The following MYH9 variants were observed in gnomAD, a reference collection of about 807,000 sequenced individuals.
MYH9 encodes myosin heavy chain 9, also known as myosin-9.
In MYH9, 29 loss-of-function variants were observed where a neutral mutation model predicts 241.9. The observed-to-expected ratio is 0.12, with a 90% CI of 0.09 to 0.16. The LOEUF is 0.16. Ranked by LOEUF, MYH9 falls within the 10% of genes least tolerant of loss-of-function variation. The pLI is 1.00. For missense variants in MYH9, 1,803 were observed against 2,595.5 expected (o/e 0.69, Z 6.63); for synonymous variants, 1,047 against 1,062.6 (o/e 0.99, Z 0.29).
In MYH9 at chr22:36,292,112, G is replaced by A. The variant is rs142957635; in HGVS notation, c.4218C>T (p.Ala1406=). The change falls in exon 31 of 41, where the codon GCC becomes GCT. Residue 1406 remains alanine, a synonymous_variant. Coordinates refer to ENST00000216181, the MANE Select transcript of MYH9 (RefSeq NM_002473.6). The stretch of plus-strand genomic sequence containing the variant: ...TGGTCTTCTCCAGCTTGTCGTAGGC[G>A]GCCACCTTCTCCTCGTGCCGCTGGC... ...GLSQRHEEKV[A]AYDKLEKTKT... The A allele has an allele frequency of 1.4e-5, 23 of 1,614,006 alleles. No homozygotes were observed. Among genetic ancestry groups the A allele is most frequent in the African/African-American group, 5.3e-5 (4 of 74,926 alleles).
intron 1 of MYH9, among the ~76,000 whole-genome samples, chr22:36,383,734 G>T (rs2018294697): frequency 6.6e-6 from 1 of 151,812 alleles, no homozygotes; most frequent in Non-Finnish European, 1.5e-5. Flanking sequence ...GAGGCGGGTA[G>T]ATCACCTGAG....
rs139047041 is a variant in MYH9 at position 36,376,742 on chromosome 22, A to C, written c.-20+11065T>G. On this transcript the variant is annotated intron_variant, in intron 1 of 40. Transcript: ENST00000216181. ...AACCGGCATTCAAAAGCTTTTGGCTATCTAGGCCTCCCTGTCGCAGGCTTA... is the reference window on the plus strand; with the variant it reads ...AACCGGCATTCAAAAGCTTTTGGCTCTCTAGGCCTCCCTGTCGCAGGCTTA... Among the ~76,000 whole-genome samples the C allele has an allele frequency of 3.3e-5, 5 of 152,336 alleles. No homozygotes were observed. The South Asian group carries it at 1.0e-3, about 32-fold the overall frequency.
chr22:36,285,344 C>T lies in MYH9; in HGVS notation c.5275-15G>A. Reference sequence around the variant, plus strand: ...ATCTGGTCGATCTGCAGAAGAAGGGCCAGTGACCTTGGGGAGGGCTGGGGC... The same window carrying T: ...ATCTGGTCGATCTGCAGAAGAAGGGTCAGTGACCTTGGGGAGGGCTGGGGC... On this transcript the variant is annotated splice_polypyrimidine_tract_variant and intron_variant, in intron 37 of 40. Coordinates refer to ENST00000216181, the MANE Select transcript of MYH9 (RefSeq NM_002473.6). The surrounding 1 kb of genome is among the most constrained non-coding windows in gnomAD (Gnocchi z 7.0). 1.2e-6 allele frequency: 2 copies of T among 1,605,254 alleles called. No individual in the cohort carries two copies. Among genetic ancestry groups the T allele is most frequent in the Non-Finnish European group, 1.7e-6 (2 of 1,179,806 alleles).
rs910249305 is a variant in MYH9 at position 36,348,079 on chromosome 22, ATATTT to A, written c.333+820_333+824del. Among the ~76,000 whole-genome samples the A allele has an allele frequency of 2.8e-3, 285 of 100,614 alleles. 1 individual carries two copies. The highest frequency in any genetic ancestry group is 0.011 in the African/African-American group (268 of 24,490). The allele number at this position is 100,614 out of a possible 152,430, so 66.0% of individuals were successfully genotyped here. On this transcript the variant is annotated intron_variant, in intron 2 of 40. Coordinates refer to ENST00000216181, the MANE Select transcript of MYH9 (RefSeq NM_002473.6). The stretch of plus-strand genomic sequence containing the variant: ...ATAATAAATAAATAAAATATTTAAA[ATATTT>A]TATTTTAAGATATTTTTTAAAATAT...
intron 1 of MYH9, among the ~76,000 whole-genome samples, chr22:36,352,408 C>G (rs1011642604): frequency 6.6e-6 from 1 of 152,182 alleles, no homozygotes; most frequent in Admixed American, 6.5e-5. Context: ...GAGCTCTGAC[C>G]GTCCTCAAAC....
intron 1 of MYH9, among the ~76,000 whole-genome samples, chr22:36,374,984 C>A (rs1311814576): frequency 6.6e-6 from 1 of 152,174 alleles, no homozygotes; most frequent in Admixed American, 6.5e-5. Context: ...CAGACTCCCC[C>A]CTGCCTTCTC....
In MYH9 at chr22:36,286,820, C is replaced by G. The variant is rs1035118799; in HGVS notation, c.4959G>C (p.Glu1653Asp). The G allele has an allele frequency of 1.9e-5, 30 of 1,610,354 alleles. No homozygotes were observed. The East Asian group carries it at 6.5e-4, about 35-fold the overall frequency. The change falls in exon 35 of 41, where the codon GAG becomes GAC. Residue 1653 changes from glutamate (E) to aspartate (D), a missense_variant. Glu to Asp is a conservative substitution (Grantham distance 45). Transcript: ENST00000216181. ...CACGAGAGGCGCGGGTGTCATCCAGCTCGCGCATGCAGTCCTTCATCTGGG... is the reference window on the plus strand; with the variant it reads ...CACGAGAGGCGCGGGTGTCATCCAGGTCGCGCATGCAGTCCTTCATCTGGG... ...LQAQMKDCMR[E>D]LDDTRASREE...
At chr22:36,292,543 G>A (rs980243428) in intron 30 of MYH9, among the ~76,000 whole-genome samples, 2 of 152,176 alleles carry the variant, frequency 1.3e-5, no homozygotes, top group Non-Finnish European at 2.9e-5. Context: ...CAGAGAGCAG[G>A]GCCAGTGCCC....
chr22:36,333,220 C>A (rs556125715), intron 3 of MYH9, among the ~76,000 whole-genome samples: 1 of 152,364 alleles, frequency 6.6e-6, no homozygotes, highest in South Asian at 2.1e-4. Flanking sequence ...TTTGATGAGT[C>A]AAACGTGCTT....
intron 40 of MYH9, among the ~76,000 whole-genome samples, chr22:36,283,190 T>G (rs1603482663): frequency 6.6e-6 from 1 of 152,130 alleles, no homozygotes; most frequent in African/African-American, 2.4e-5. Context: ...ACCCTCTTTC[T>G]ACCACATGGC....
intron 21 of MYH9, 35 bp from the exon 22 acceptor site, chr22:36,301,092 C>T (rs1429295412): frequency 8.8e-6 from 14 of 1,585,122 alleles, no homozygotes; most frequent in Non-Finnish European, 1.0e-5. Context: ...AAGCTCCTCG[C>T]AACACCCTCA....
At position 36,301,639 on chromosome 22, in the gene MYH9, C is replaced by A; in HGVS notation, c.2526G>T (p.Arg842=). 1 of 1,613,874 alleles carries A rather than the reference C, an allele frequency of 6.2e-7. No individual in the cohort carries two copies. The highest frequency in any genetic ancestry group is 8.5e-7 in the Non-Finnish European group (1 of 1,180,036). The change falls in exon 21 of 41, where the codon CGG becomes CGT. Residue 842 remains arginine, a synonymous_variant. Transcript: ENST00000216181. ...CCTTGGCCATCATCTCCTCCTCCTG[C>A]CGGCTCACCTGCAGCAGCGGCTTGA... The part of the protein sequence containing the change: ...TKVKPLLQVS[R]QEEEMMAKEE...
intron 19 of MYH9, among the ~76,000 whole-genome samples, chr22:36,303,146 G>A (rs2016910107): frequency 6.6e-6 from 1 of 152,002 alleles, no homozygotes; most frequent in African/African-American, 2.4e-5. Flanking sequence ...GAGGGCTTTT[G>A]GATAAACAAG....
At position 36,288,679 on chromosome 22, in the gene MYH9, G is replaced by C; in HGVS notation, c.4770+48C>G. The C allele has an allele frequency of 6.3e-7, 1 of 1,592,414 alleles. No homozygotes were observed. On this transcript the variant is annotated intron_variant, in intron 33 of 40. Coordinates refer to ENST00000216181, the MANE Select transcript of MYH9 (RefSeq NM_002473.6). This position sits in a 1 kb window ranked among gnomAD's most constrained non-coding sequence, Gnocchi z 4.8. ...AGGAGAGAACAGAAGCCTGCGTGAA[G>C]CCAAGGCAGCCTTGGGCACCCATGG...
chr22:36,313,573 G>T (rs1474912366), intron 13 of MYH9, among the ~76,000 whole-genome samples: 1 of 151,802 alleles, frequency 6.6e-6, no homozygotes, highest in Non-Finnish European at 1.5e-5. Flanking sequence ...TACCTGGCAA[G>T]AGGTTTAAGT....
chr22:36,378,626 G>A (rs746073279), intron 1 of MYH9, among the ~76,000 whole-genome samples: 1 of 152,136 alleles, frequency 6.6e-6, no homozygotes, highest in Non-Finnish European at 1.5e-5. Flanking sequence ...TTTTCGAGCT[G>A]TGGGAACTTT....
In MYH9 at chr22:36,320,046, C is replaced by T. The variant is rs1468778667; in HGVS notation, c.1012+174G>A. ...TGAATGCCTGTGGTACCACCAGGAA[C>T]AAATAACCTTGAACCTCAAATCTGA... is the stretch of plus-strand genomic sequence containing the variant. On this transcript the variant is annotated intron_variant, in intron 9 of 40. Coordinates refer to ENST00000216181, the MANE Select transcript of MYH9 (RefSeq NM_002473.6). This position sits in a 1 kb window ranked among gnomAD's most constrained non-coding sequence, Gnocchi z 4.8. Among the ~76,000 whole-genome samples the T allele has an allele frequency of 6.6e-6, 1 of 152,214 alleles. No homozygotes were observed. Among genetic ancestry groups the T allele is most frequent in the Non-Finnish European group, 1.5e-5 (1 of 68,042 alleles).
intron 23 of MYH9, 91 bp from the exon 24 acceptor site, chr22:36,299,133 C>T: frequency 6.5e-7 from 1 of 1,542,540 alleles, no homozygotes. Flanking sequence ...AAATCTGGGG[C>T]TGAATGGAGA....
intron 1 of MYH9, among the ~76,000 whole-genome samples, chr22:36,365,758 GCC>G: frequency 6.6e-6 from 1 of 152,128 alleles, no homozygotes; most frequent in Non-Finnish European, 1.5e-5. Flanking sequence ...ACCGCACCCG[GCC>G]TTTTTTTAAA....
Sources: allele counts gnomAD v4.1 joint callset (sites outside exome capture counted in the v4.1 genomes callset), GRCh38; gene constraint gnomAD v4.1.1; non-coding constraint Gnocchi (gnomAD v3.1); transcripts MANE v1.5; gene names NCBI Gene and HGNC (gene_info 2026-07-23, HGNC 2026-07-21).